Variants in RALGAPA2 observed in about 807,000 individuals in gnomAD.
The protein encoded by RALGAPA2 is ral GTPase-activating protein subunit alpha-2.
In RALGAPA2, 139 loss-of-function variants were observed where a neutral mutation model predicts 230.4. The observed-to-expected ratio is 0.60, with a 90% confidence interval of 0.53 to 0.69. RALGAPA2 has a LOEUF of 0.69. Among genes scored for constraint, RALGAPA2 ranks in the 30% least tolerant of loss-of-function variants. The probability of loss-of-function intolerance (pLI) is 0.00; values close to 1 mark genes in which losing one functional copy is unlikely to be tolerated. For synonymous variants in RALGAPA2, 847 were observed against 837.8 expected (o/e 1.01, Z -0.19); for missense variants, 2,163 against 2,276.0 (o/e 0.95, Z 1.01).
intron 37 of RALGAPA2, among the ~76,000 whole-genome samples, chr20:20,419,948 G>A (rs908593587): frequency 1.3e-5 from 2 of 152,296 alleles, no homozygotes; most frequent in East Asian, 3.9e-4. Flanking sequence ...ATTCTAGCAG[G>A]GAGGCAGACC....
At chr20:20,613,465 T>C (rs1213729109) in intron 13 of RALGAPA2, among the ~76,000 whole-genome samples, 1 of 152,218 alleles carries the variant, frequency 6.6e-6, no homozygotes, top group Non-Finnish European at 1.5e-5. Context: ...TCTATGGCAC[T>C]GCACTGCATG....
intron 16 of RALGAPA2, among the ~76,000 whole-genome samples, chr20:20,599,421 T>C (rs2065565012): frequency 6.6e-6 from 1 of 152,228 alleles, no homozygotes. Flanking sequence ...TTTACGGTGT[T>C]CTTATGTTTT....
At chr20:20,518,757 A>G (rs924727772) in intron 31 of RALGAPA2, among the ~76,000 whole-genome samples, 2 of 152,170 alleles carry the variant, frequency 1.3e-5, no homozygotes, top group Admixed American at 1.3e-4. Context: ...TTTAAGTGAC[A>G]ACTCATAATA....
chr20:20,671,689 T>C (rs567482967), intron 3 of RALGAPA2, among the ~76,000 whole-genome samples: 4 of 152,230 alleles, frequency 2.6e-5, no homozygotes, highest in Non-Finnish European at 5.9e-5. Flanking sequence ...TGTTCTATTA[T>C]ACAGGCAACT....
At chr20:20,694,869 GA>G (rs2069050912) in intron 1 of RALGAPA2, among the ~76,000 whole-genome samples, 1 of 152,182 alleles carries the variant, frequency 6.6e-6, no homozygotes, top group Non-Finnish European at 1.5e-5. Context: ...CTTGGCAGGG[GA>G]CTGCAGAATT....
intron 37 of RALGAPA2, among the ~76,000 whole-genome samples, chr20:20,469,732 C>T (rs1363150524): frequency 2.0e-5 from 3 of 152,202 alleles, no homozygotes; most frequent in Admixed American, 6.5e-5. Context: ...GTGGAAACGT[C>T]TATCAGTTGA....
At chr20:20,593,492 C>A (rs755038632) in intron 16 of RALGAPA2, among the ~76,000 whole-genome samples, 7 of 152,246 alleles carry the variant, frequency 4.6e-5, no homozygotes, top group African/African-American at 7.2e-5. Flanking sequence ...CACCATAGGG[C>A]CAGCCCTTCC....
chr20:20,411,790 C>T (rs1400710790), intron 38 of RALGAPA2, among the ~76,000 whole-genome samples: 2 of 152,192 alleles, frequency 1.3e-5, no homozygotes, highest in African/African-American at 4.8e-5. Context: ...AGAAAAAGTT[C>T]ATTAACCTTG....
At chr20:20,641,955 C>A (rs2067043959) in intron 5 of RALGAPA2, among the ~76,000 whole-genome samples, 1 of 151,646 alleles carries the variant, frequency 6.6e-6, no homozygotes, top group Admixed American at 6.6e-5. Context: ...AGTACTGCCC[C>A]ATTAACGGGG....
At chr20:20,461,814 T>C (rs535998878) in intron 37 of RALGAPA2, among the ~76,000 whole-genome samples, 4 of 152,312 alleles carry the variant, frequency 2.6e-5, no homozygotes, top group South Asian at 4.1e-4. Flanking sequence ...CTTCCAGGCA[T>C]ACATCTGCCT....
At chr20:20,407,376 G>A (rs2059968567) in intron 38 of RALGAPA2, among the ~76,000 whole-genome samples, 1 of 152,200 alleles carries the variant, frequency 6.6e-6, no homozygotes, top group African/African-American at 2.4e-5. Flanking sequence ...GGTGGTTTGG[G>A]TTAGGATTTA....
At chr20:20,609,980 C>T (rs564356941) in intron 14 of RALGAPA2, among the ~76,000 whole-genome samples, 1 of 152,302 alleles carries the variant, frequency 6.6e-6, no homozygotes, top group African/African-American at 2.4e-5. Context: ...TTTATCAAGC[C>T]AAGAGCATTG....
rs2065898754 is a variant in RALGAPA2, at chr20:20,608,826, AGG to A, written c.1800+2487_1800+2488del. Among the ~76,000 whole-genome samples the A allele has an allele frequency of 2.0e-5, 3 of 152,306 alleles. No individual in the cohort carries two copies. In the South Asian group the frequency reaches 6.2e-4, roughly 32 times the overall value. ...ACTCTGATTCTCATGACAACCCTGC[AGG>A]GTAAGAAGAAGTCCTTTCCTGATTG... is the stretch of plus-strand genomic sequence containing the variant. On this transcript the variant is annotated intron_variant, in intron 14 of 39. Transcript: ENST00000202677.
At chr20:20,405,253 T>C (rs2059921542) in intron 38 of RALGAPA2, among the ~76,000 whole-genome samples, 1 of 152,260 alleles carries the variant, frequency 6.6e-6, no homozygotes, top group African/African-American at 2.4e-5. Flanking sequence ...CATGTGGTTA[T>C]AGTTTGGAGG....
In RALGAPA2 at chr20:20,616,151, G is replaced by A; in HGVS notation, c.1580C>T (p.Pro527Leu). 6.5e-7 allele frequency: 1 copy of A among 1,544,652 alleles called. No individual in the cohort carries two copies. The highest frequency in any genetic ancestry group is 1.7e-4 in the Middle Eastern group (1 of 5,928). ...TNSANIFLLE[P>L]CAEVPVLLKE... ...CAAGAGCACAGGAACTTCAGCACAT[G>A]GTTCCAACAAAAAGATGTTTGCAGA... Residue 527 changes from proline (P) to leucine (L), a missense_variant, in exon 13 of 40, where the codon CCA (proline) becomes CTA (leucine). Transcript: ENST00000202677.
chr20:20,453,301 A>G (rs1602410253), intron 37 of RALGAPA2, among the ~76,000 whole-genome samples: 1 of 152,182 alleles, frequency 6.6e-6, no homozygotes, highest in Non-Finnish European at 1.5e-5. Flanking sequence ...CACACAAGAC[A>G]AGACAGTAGC....
intron 20 of RALGAPA2, among the ~76,000 whole-genome samples, chr20:20,578,005 C>T (rs1283805574): frequency 3.3e-5 from 5 of 152,062 alleles, no homozygotes; most frequent in African/African-American, 1.2e-4. Context: ...TATGCCCTTA[C>T]TTATGAAAGA....
At chr20:20,634,513 C>T (rs1321445487) in intron 9 of RALGAPA2, among the ~76,000 whole-genome samples, 2 of 152,186 alleles carry the variant, frequency 1.3e-5, no homozygotes, top group Non-Finnish European at 2.9e-5. Flanking sequence ...CCCAGTGGAG[C>T]CGCATGCTCT....
At chr20:20,575,117 C>CA (rs1331386248) in intron 20 of RALGAPA2, among the ~76,000 whole-genome samples, 1 of 152,194 alleles carries the variant, frequency 6.6e-6, no homozygotes, top group East Asian at 1.9e-4. Flanking sequence ...AGACTGTGGA[C>CA]ACTGAAGAGC....
Sources: gnomAD v4.1 joint callset for allele counts (sites outside exome capture counted in the v4.1 genomes callset) on GRCh38, gnomAD v4.1.1 for gene constraint, MANE v1.5 for transcripts, NCBI Gene and HGNC (gene_info 2026-07-23, HGNC 2026-07-21) for gene names.